AUTS2: variants seen among roughly 807,000 people sequenced by gnomAD.
The protein encoded by AUTS2 is autism susceptibility gene 2 protein.
Under a neutral mutation model 112.4 loss-of-function variants are expected in AUTS2, and 17 were observed. The ratio of observed to expected loss-of-function variants is 0.15; its 90% CI spans 0.10 to 0.23. The LOEUF (loss-of-function observed/expected upper bound fraction) is 0.23, where lower values mean the gene tolerates loss of function less well. Among genes scored for constraint, AUTS2 ranks in the 10% least tolerant of loss-of-function variants. AUTS2 has a pLI of 1.00. For missense variants in AUTS2, 1,510 were observed against 1,701.6 expected, an observed-to-expected ratio of 0.89 and a Z score of 1.98; for synonymous variants, 751 against 702.7, an observed-to-expected ratio of 1.07 and a Z score of -1.09.
At chr7:69,931,349 T>C (rs550388998) in intron 2 of AUTS2, among the ~76,000 whole-genome samples, 1 of 152,360 alleles carries the variant, frequency 6.6e-6, no homozygotes, top group South Asian at 2.1e-4. Context: ...TTATACAGAA[T>C]CTTAACTGTC....
In AUTS2 at chr7:70,772,839, A is replaced by C. The variant is rs565555145; in HGVS notation, c.1831-1189A>C. Among the ~76,000 whole-genome samples, 3 of 152,314 alleles carry C rather than the reference A, an allele frequency of 2.0e-5. 1 individual carries two copies. Among genetic ancestry groups the C allele is most frequent in the Admixed American group, 2.0e-4 (3 of 15,302 alleles). ...ATGGTGATTTTAAACTCCTTCCCCC[A>C]GTCTGCACCTCACTACTCCCTCAGA... On this transcript the variant is annotated intron_variant, in intron 11 of 18. Coordinates refer to ENST00000342771, the MANE Select transcript of AUTS2 (RefSeq NM_015570.4).
intron 1 of AUTS2, among the ~76,000 whole-genome samples, chr7:69,845,904 A>G (rs1792175359): frequency 6.6e-6 from 1 of 152,176 alleles, no homozygotes; most frequent in African/African-American, 2.4e-5. Context: ...TCTGACACTG[A>G]CTGTGGACAT....
At chr7:70,496,695 T>C (rs1304975192) in intron 5 of AUTS2, among the ~76,000 whole-genome samples, 3 of 67,054 alleles carry the variant, frequency 4.5e-5, no homozygotes, top group Non-Finnish European at 5.6e-5. Flanking sequence ...TCACACCACG[T>C]ACACAGTCAC....
At position 70,775,359 on chromosome 7, in the gene AUTS2, G is replaced by A. The variant is rs752210118; in HGVS notation, c.1905G>A (p.Leu635=). The A allele has an allele frequency of 1.9e-6, 3 of 1,613,022 alleles. No homozygotes were observed. The highest frequency in any genetic ancestry group is 1.7e-6 in the Non-Finnish European group (2 of 1,179,640). Residue 635 remains leucine, a splice_region_variant and synonymous_variant, in exon 13 of 19, where the codon TTG becomes TTA. Transcript: ENST00000342771. The part of the protein sequence containing the change: ...PHTLLQKDPR[L]TDPFRPMLRK... ...AAGTTGTCATTTTCTCTTCACAGTT[G>A]ACAGATCCTTTCAGACCTATGTTAA...
chr7:69,734,601 A>G (rs538653745), intron 1 of AUTS2, among the ~76,000 whole-genome samples: 1 of 151,078 alleles, frequency 6.6e-6, no homozygotes, highest in Non-Finnish European at 1.5e-5. Flanking sequence ...ATTTTGAAAT[A>G]TATATATGTA....
intron 14 of AUTS2, among the ~76,000 whole-genome samples, chr7:70,779,078 C>T (rs942901492): frequency 3.3e-5 from 5 of 152,116 alleles, no homozygotes; most frequent in Non-Finnish European, 5.9e-5. Flanking sequence ...CTTCATGGCC[C>T]TAAGTTGTGG....
intron 2 of AUTS2, among the ~76,000 whole-genome samples, chr7:70,107,450 TCTC>T (rs1326297640): frequency 6.7e-6 from 1 of 149,050 alleles, no homozygotes; most frequent in Non-Finnish European, 1.5e-5. Context: ...TTCAGGCAAT[TCTC>T]CTGCCTCAGC....
At chr7:70,205,703 TAAC>T (rs1429226980) in intron 4 of AUTS2, among the ~76,000 whole-genome samples, 5 of 152,294 alleles carry the variant, frequency 3.3e-5, no homozygotes, top group African/African-American at 1.2e-4. Context: ...CGAGATCACT[TAAC>T]AATACATTTC....
intron 5 of AUTS2, among the ~76,000 whole-genome samples, chr7:70,484,527 C>T (rs151198982): frequency 6.6e-6 from 1 of 152,340 alleles, no homozygotes; most frequent in Non-Finnish European, 1.5e-5. Flanking sequence ...CATTCTTAGA[C>T]AAGCTAGTTA....
At chr7:69,655,717 A>G (rs892497171) in intron 1 of AUTS2, among the ~76,000 whole-genome samples, 14 of 151,990 alleles carry the variant, frequency 9.2e-5, no homozygotes, top group African/African-American at 3.1e-4. Flanking sequence ...GAGATGTGAT[A>G]TTGAGAATAT....
chr7:70,322,201 A>G (rs1790287759), intron 4 of AUTS2, among the ~76,000 whole-genome samples: 1 of 152,178 alleles, frequency 6.6e-6, no homozygotes, highest in Non-Finnish European at 1.5e-5. Flanking sequence ...CTTTATAGGC[A>G]TAATTTTTAT....
chr7:69,700,332 T>A (rs1196391766), intron 1 of AUTS2, among the ~76,000 whole-genome samples: 3 of 152,230 alleles, frequency 2.0e-5, no homozygotes, highest in East Asian at 1.9e-4. Flanking sequence ...TATTTTTTTT[T>A]AATTTTTAAA....
chr7:70,221,751 G>A (rs1429429705), intron 4 of AUTS2, among the ~76,000 whole-genome samples: 1 of 152,216 alleles, frequency 6.6e-6, no homozygotes, highest in Non-Finnish European at 1.5e-5. Context: ...GCCGAGCGTG[G>A]TGGTGGGCAT....
At chr7:70,561,668 G>T (rs1047932251) in intron 5 of AUTS2, among the ~76,000 whole-genome samples, 1 of 152,052 alleles carries the variant, frequency 6.6e-6, no homozygotes, top group Non-Finnish European at 1.5e-5. Context: ...CTTTACGTTA[G>T]GTTGATAAGA....
intron 4 of AUTS2, among the ~76,000 whole-genome samples, chr7:70,409,088 A>G (rs772962726): frequency 6.6e-6 from 1 of 152,228 alleles, no homozygotes; most frequent in Non-Finnish European, 1.5e-5. Flanking sequence ...TGAAGGTTTC[A>G]TCTTGGCTAA....
chr7:70,385,450 C>G (rs1045607594), intron 4 of AUTS2, among the ~76,000 whole-genome samples: 1 of 152,206 alleles, frequency 6.6e-6, no homozygotes, highest in Non-Finnish European at 1.5e-5. Context: ...TTCTGCCACA[C>G]AATTAAACAA....
chr7:69,799,356 C>T (rs1233361020), intron 1 of AUTS2, among the ~76,000 whole-genome samples: 1 of 152,120 alleles, frequency 6.6e-6, no homozygotes, highest in Non-Finnish European at 1.5e-5. Flanking sequence ...TTGAACTCCT[C>T]AGCTCAGAGT....
intron 18 of AUTS2, among the ~76,000 whole-genome samples, 170 bp from the exon 19 acceptor site, chr7:70,789,578 A>G (rs553868959): frequency 7.2e-5 from 11 of 152,038 alleles, no homozygotes; most frequent in Non-Finnish European, 1.3e-4. Context: ...GGTAAGTAGG[A>G]TAAGGGTGGC....
intron 1 of AUTS2, among the ~76,000 whole-genome samples, chr7:69,851,155 T>G (rs1288580018): frequency 6.6e-6 from 1 of 152,226 alleles, no homozygotes; most frequent in Non-Finnish European, 1.5e-5. Flanking sequence ...CAGTTGGCCA[T>G]AGTTTTGTGG....
Sources: gnomAD v4.1 joint callset for allele counts (sites outside exome capture counted in the v4.1 genomes callset) on GRCh38, gnomAD v4.1.1 for gene constraint, MANE v1.5 for transcripts, NCBI Gene and HGNC (gene_info 2026-07-23, HGNC 2026-07-21) for gene names.